CATSPERD: variants seen among roughly 807,000 people sequenced by gnomAD.
CATSPERD encodes the protein cation channel sperm-associated auxiliary subunit delta.
Under a neutral mutation model 98.1 loss-of-function variants are expected in CATSPERD, and 86 were observed. The observed-to-expected ratio is 0.88, with a 90% CI of 0.74 to 1.05. CATSPERD has a LOEUF of 1.05. CATSPERD is among the 50% of genes least tolerant of loss of function. The pLI is 0.00. For synonymous variants in CATSPERD, 394 were observed against 390.2 expected (o/e 1.01, Z -0.12); for missense variants, 995 against 1,005.7 (o/e 0.99, Z 0.14).
At chr19:5,775,517 C>T (rs1340222087) in intron 20 of CATSPERD, among the ~76,000 whole-genome samples, 1 of 150,116 alleles carries the variant, frequency 6.7e-6, no homozygotes, top group Non-Finnish European at 1.5e-5. Flanking sequence ...GCCACGGTGG[C>T]GGGCACCTGT....
Position 5,741,172 on chromosome 19 carries a change from T to A in CATSPERD, c.573+1733T>A, listed in dbSNP as rs917026124. Among the ~76,000 whole-genome samples the A allele has an allele frequency of 2.6e-5, 4 of 152,258 alleles. No individual in the cohort carries two copies. The South Asian group carries it at 6.2e-4, about 24-fold the overall frequency. Reference sequence around the variant, plus strand: ...CACACCCACATGCCCACCTGAAGATTGGTACTATCAGGTTCATCATCATGC... The same window carrying A: ...CACACCCACATGCCCACCTGAAGATAGGTACTATCAGGTTCATCATCATGC... On this transcript the variant is annotated intron_variant, in intron 7 of 21. Transcript: ENST00000381624.
At chr19:5,749,247 T>C in intron 11 of CATSPERD, 64 bp downstream of exon 11, 1 of 1,194,568 alleles carries the variant, frequency 8.4e-7, no homozygotes, top group Non-Finnish European at 1.2e-6. Context: ...ATCCCAGCAC[T>C]TTGGGAGGCT....
chr19:5,751,426 C>T (rs1448130215), intron 11 of CATSPERD, among the ~76,000 whole-genome samples: 5 of 139,194 alleles, frequency 3.6e-5, no homozygotes, highest in South Asian at 2.4e-4. Context: ...CCCAGCTACT[C>T]GGGAGGCTGA....
At chr19:5,728,887 C>CA (rs2055661957) in intron 3 of CATSPERD, among the ~76,000 whole-genome samples, 1 of 150,792 alleles carries the variant, frequency 6.6e-6, no homozygotes, top group Admixed American at 6.6e-5. Context: ...TTAGTAAAGA[C>CA]AGAGTTTTTA....
chr19:5,735,708 C>T (rs973031749), intron 5 of CATSPERD, among the ~76,000 whole-genome samples: 3 of 151,636 alleles, frequency 2.0e-5, no homozygotes, highest in Admixed American at 6.6e-5. Context: ...CTATTTACCT[C>T]GTGATCCTGT....
chr19:5,750,849 T>C (rs1191704000), intron 11 of CATSPERD, among the ~76,000 whole-genome samples: 2 of 152,054 alleles, frequency 1.3e-5, no homozygotes, highest in Non-Finnish European at 2.9e-5. Context: ...CTCCCTTCTT[T>C]CCTTTCTTCC....
At chr19:5,755,568 G>A (rs1227989498) in intron 13 of CATSPERD, among the ~76,000 whole-genome samples, 1 of 151,770 alleles carries the variant, frequency 6.6e-6, no homozygotes, top group African/African-American at 2.4e-5. Flanking sequence ...CCAGGAGCTC[G>A]AGACTAGCCT....
intron 2 of CATSPERD, among the ~76,000 whole-genome samples, chr19:5,726,264 G>C (rs973106904): frequency 2.0e-5 from 3 of 151,890 alleles, no homozygotes; most frequent in Non-Finnish European, 2.9e-5. Context: ...GTTTCACCAT[G>C]TTGGCCCTGC....
chr19:5,768,074 C>A, intron 17 of CATSPERD, 94 bp from the exon 18 acceptor site: 2 of 1,136,380 alleles, frequency 1.8e-6, no homozygotes. Context: ...TGGGCCTGAG[C>A]CACCACGCCC....
At chr19:5,721,985 G>GAA (rs747988086) in intron 1 of CATSPERD, among the ~76,000 whole-genome samples, 14 of 111,714 alleles carry the variant, frequency 1.3e-4, no homozygotes, top group African/African-American at 3.2e-4. Context: ...TGTCTCAAAG[G>GAA]AAAAAAAAAA....
At chr19:5,733,185 G>A (rs1394925185) in intron 4 of CATSPERD, among the ~76,000 whole-genome samples, 1 of 151,886 alleles carries the variant, frequency 6.6e-6, no homozygotes, top group Non-Finnish European at 1.5e-5. Context: ...ATAGAGGCAG[G>A]GTTTCACCAT....
intron 1 of CATSPERD, among the ~76,000 whole-genome samples, chr19:5,723,649 A>G (rs544928262): frequency 1.2e-4 from 18 of 151,522 alleles, no homozygotes; most frequent in African/African-American, 4.4e-4. Context: ...TGTTTTTAGT[A>G]GAGACGGGGT....
At chr19:5,740,909 A>T (rs1328832932) in intron 7 of CATSPERD, among the ~76,000 whole-genome samples, 1 of 151,786 alleles carries the variant, frequency 6.6e-6, no homozygotes, top group Non-Finnish European at 1.5e-5. Context: ...ATACGGGGAA[A>T]CCCTGTCTCT....
Position 5,733,862 on chromosome 19 carries a change from G to T in CATSPERD, c.283G>T (p.Val95Leu), listed in dbSNP as rs199840662. 1.2e-6 allele frequency: 2 copies of T among 1,608,006 alleles called. No individual in the cohort carries two copies. The highest frequency in any genetic ancestry group is 1.1e-5 in the South Asian group (1 of 90,230). The change falls in exon 5 of 22, where the codon GTA becomes TTA. Residue 95 changes from valine to leucine, a missense_variant. Physicochemically the swap from Val to Leu is conservative, Grantham distance 32. Transcript: ENST00000381624. ...TCCATATGATAACTTTTAGGTCGGC[G>T]TACCAGAAGTGACATCAGCACATTT... ...FTIPTSMQVG[V>L]PEVTSAHFAG...
chr19:5,775,812 A>G (rs991494784), intron 20 of CATSPERD, among the ~76,000 whole-genome samples: 1 of 152,144 alleles, frequency 6.6e-6, no homozygotes, highest in African/African-American at 2.4e-5. Flanking sequence ...GACCGCCCTC[A>G]GCATTCCTTC....
Position 5,772,902 on chromosome 19 carries a change from C to G in CATSPERD, c.1878C>G (p.Ser626=), listed in dbSNP as rs757330462. 3.2e-5 allele frequency: 51 copies of G among 1,613,992 alleles called. No individual in the cohort carries two copies. The Admixed American group carries it at 8.5e-4, about 27-fold the overall frequency. Residue 626 remains serine, a synonymous_variant, in exon 20 of 22, where the codon TCC becomes TCG. Coordinates refer to ENST00000381624, the MANE Select transcript of CATSPERD (RefSeq NM_152784.4). The part of the protein sequence containing the change: ...SLTAQSAMCT[S]QPQNWTTMIK... The stretch of plus-strand genomic sequence containing the variant: ...CGGCCCAGTCGGCCATGTGTACCTC[C>G]CAGCCGCAGAACTGGACCACCATGA...
At position 5,751,667 on chromosome 19, in the gene CATSPERD, G is replaced by C; in HGVS notation, c.1008G>C (p.Trp336Cys). Residue 336 changes from tryptophan (W) to cysteine (C), a missense_variant, in exon 12 of 22, where the codon TGG becomes TGC. By Grantham distance (215) the Trp-to-Cys change is radical. Around this residue, in one of 3 missense-constraint regions of CATSPERD, gnomAD observed 762 missense variants for 773.7 expected, o/e 0.98. Transcript: ENST00000381624. ...CTTAGTTTGCAGACCAATACATCTG[G>C]TCAGAAGACGTGGCCCTGATGTTCA... ...SIIKFADQYI[W>C]SEDVALMFRS... 3 of 1,605,468 alleles carry C rather than the reference G, an allele frequency of 1.9e-6. No individual in the cohort carries two copies. Among genetic ancestry groups the C allele is most frequent in the Non-Finnish European group, 2.6e-6 (3 of 1,175,076 alleles).
chr19:5,765,793 CAG>C (rs1478673646), intron 16 of CATSPERD, among the ~76,000 whole-genome samples: 2 of 152,022 alleles, frequency 1.3e-5, no homozygotes, highest in East Asian at 3.9e-4. Flanking sequence ...GCCTGGGTGA[CAG>C]AGCAAAAACT....
intron 13 of CATSPERD, among the ~76,000 whole-genome samples, chr19:5,757,392 G>T (rs934437069): frequency 6.6e-6 from 1 of 151,014 alleles, no homozygotes; most frequent in African/African-American, 2.4e-5. Context: ...TTGCCTCCTG[G>T]GTTCAAGCGA....
Sources: allele counts gnomAD v4.1 joint callset (sites outside exome capture counted in the v4.1 genomes callset), GRCh38; gene constraint gnomAD v4.1.1; regional missense constraint gnomAD v4.1.1; transcripts MANE v1.5; gene names NCBI Gene and HGNC (gene_info 2026-07-23, HGNC 2026-07-21).